Variants in SVIL observed in about 807,000 individuals in gnomAD.
The protein encoded by SVIL is archvillin.
In SVIL, 101 loss-of-function variants were observed where a neutral mutation model predicts 240.4. The observed-to-expected ratio is 0.42, with a 90% CI of 0.36 to 0.50. The LOEUF (loss-of-function observed/expected upper bound fraction) is 0.50, where lower values mean the gene tolerates loss of function less well. Ranked by LOEUF, SVIL falls within the 20% of genes least tolerant of loss-of-function variation. The pLI is 0.01. For missense variants in SVIL, 2,512 were observed against 2,818.7 expected, an observed-to-expected ratio of 0.89 and a Z score of 2.46; for synonymous variants, 999 against 1,100.0, an observed-to-expected ratio of 0.91 and a Z score of 1.82.
intron 33 of SVIL, 37 bp downstream of exon 33, chr10:29,467,705 A>C: frequency 6.2e-7 from 1 of 1,600,868 alleles, no homozygotes. Context: ...AAAAACAAAC[A>C]AAAAAACCAG....
intron 2 of SVIL, among the ~76,000 whole-genome samples, chr10:29,564,728 A>G (rs1156412984): frequency 2.6e-5 from 4 of 152,206 alleles, no homozygotes; most frequent in Non-Finnish European, 4.4e-5. Flanking sequence ...CTTTCCATAT[A>G]CAATGTAGCA....
intron 1 of SVIL, among the ~76,000 whole-genome samples, chr10:29,633,191 C>T (rs1047866301): frequency 2.8e-5 from 4 of 142,218 alleles, no homozygotes; most frequent in East Asian, 2.1e-4. Flanking sequence ...GAGCCGAGAT[C>T]GTGCCACTGC....
intron 26 of SVIL, 91 bp downstream of exon 26, chr10:29,485,994 A>C (rs546565180): frequency 6.8e-7 from 1 of 1,470,264 alleles, no homozygotes; most frequent in Non-Finnish European, 9.3e-7. Context: ...GCTAACCTTT[A>C]TTGGGAACTT....
chr10:29,537,221 A>T (rs968059804), intron 6 of SVIL, among the ~76,000 whole-genome samples: 1 of 152,240 alleles, frequency 6.6e-6, no homozygotes, highest in African/African-American at 2.4e-5. Context: ...CACAAGAGTT[A>T]CAAGTACTAA....
intron 1 of SVIL, among the ~76,000 whole-genome samples, chr10:29,724,166 T>G (rs1964143626): frequency 8.6e-6 from 1 of 116,344 alleles, no homozygotes; most frequent in South Asian, 2.7e-4. Context: ...TTCTTCTGAG[T>G]TTTTTGTTTT....
rs867562935 is a variant in SVIL at position 29,532,106 on chromosome 10, C to T, written c.1905G>A (p.Gly635=). The change falls in exon 9 of 38, where the codon GGG becomes GGA. Residue 635 remains glycine, a synonymous_variant. Transcript: ENST00000355867. ...AAAAATAGCGTCTTGGTTTCCGGGA[C>T]CCTCTCTCCCGTTCCACACCGGTGG... ...GLPTGVERER[G]SRKPRRYFSP... 4 of 1,614,028 alleles carry T rather than the reference C, an allele frequency of 2.5e-6. No individual in the cohort carries two copies. The highest frequency in any genetic ancestry group is 2.2e-5 in the South Asian group (2 of 91,074).
intron 2 of SVIL, among the ~76,000 whole-genome samples, chr10:29,677,382 T>G (rs2132575883): frequency 6.6e-6 from 1 of 152,294 alleles, no homozygotes; most frequent in East Asian, 1.9e-4. Context: ...AAGCATGACC[T>G]AGCCCTGAAT....
intron 1 of SVIL, among the ~76,000 whole-genome samples, chr10:29,700,696 A>G (rs1645950196): frequency 1.3e-5 from 2 of 151,884 alleles, no homozygotes; most frequent in African/African-American, 4.8e-5. Context: ...GATGGTCTCA[A>G]TCTCCTGACC....
At chr10:29,703,810 T>TG (rs1564779024) in intron 1 of SVIL, among the ~76,000 whole-genome samples, 1 of 152,166 alleles carries the variant, frequency 6.6e-6, no homozygotes, top group Non-Finnish European at 1.5e-5. Flanking sequence ...CTTGTTTTTT[T>TG]GGGGGAAGGA....
intron 1 of SVIL, among the ~76,000 whole-genome samples, chr10:29,596,462 G>A (rs973829005): frequency 6.6e-6 from 1 of 152,084 alleles, no homozygotes; most frequent in Non-Finnish European, 1.5e-5. Flanking sequence ...AACAGAGCGA[G>A]GCCCTGTCTG....
chr10:29,580,350 T>TA (rs1323893314), intron 1 of SVIL, among the ~76,000 whole-genome samples: 2 of 151,800 alleles, frequency 1.3e-5, no homozygotes, highest in Admixed American at 1.3e-4. Flanking sequence ...ACCCTGTCTC[T>TA]AAAAAAATTG....
At chr10:29,486,647 T>C in intron 24 of SVIL, 90 bp from the exon 25 acceptor site, 1 of 1,506,444 alleles carries the variant, frequency 6.6e-7, no homozygotes, top group South Asian at 1.2e-5. Context: ...AGAAACAGTG[T>C]GCCTGCAAGG....
intron 1 of SVIL, among the ~76,000 whole-genome samples, chr10:29,625,801 A>G (rs1248721774): frequency 6.6e-6 from 1 of 152,210 alleles, no homozygotes; most frequent in African/African-American, 2.4e-5. Context: ...CTTTATCAGT[A>G]TGAATTCTAG....
chr10:29,458,536 G>C lies in SVIL; in HGVS notation c.6456C>G (p.Leu2152=), dbSNP rs150145952. The C allele has an allele frequency of 2.5e-6, 4 of 1,610,094 alleles. No homozygotes were observed. Among genetic ancestry groups the C allele is most frequent in the African/African-American group, 1.3e-5 (1 of 74,798 alleles). The change falls in exon 37 of 38, where the codon CTC becomes CTG. Residue 2152 remains leucine (L), a synonymous_variant. Transcript: ENST00000355867. ...ITLVEDVLAK[L]CKTIYPLADL... Reference sequence around the variant, plus strand: ...CGGCCAGCGGGTAAATGGTTTTACAGAGCTTGGCTAAGACGTCTTCCACGA... The same window carrying C: ...CGGCCAGCGGGTAAATGGTTTTACACAGCTTGGCTAAGACGTCTTCCACGA...
intron 16 of SVIL, among the ~76,000 whole-genome samples, chr10:29,519,802 G>A (rs1950446450): frequency 6.6e-6 from 1 of 152,172 alleles, no homozygotes; most frequent in African/African-American, 2.4e-5. Context: ...GAACAGACTG[G>A]GCTCAGGGAT....
chr10:29,582,542 G>C (rs953504095), intron 1 of SVIL, among the ~76,000 whole-genome samples: 8 of 152,074 alleles, frequency 5.3e-5, no homozygotes, highest in Admixed American at 5.2e-4. Context: ...TTAGAGACCA[G>C]CCTGGGCAAC....
In SVIL at chr10:29,460,972, G is replaced by A. The variant is rs142121210; in HGVS notation, c.6402+1305C>T. On this transcript the variant is annotated intron_variant, in intron 36 of 37. Transcript: ENST00000355867. ...CACCATGATGCCTAACCAACCCCCC[G>A]CTTCCTGTTGACCAGCTCCTCTTCC... is the stretch of plus-strand genomic sequence containing the variant. Among the ~76,000 whole-genome samples the A allele has an allele frequency of 3.1e-3, 477 of 152,064 alleles. 3 individuals carry two copies. The highest frequency in any genetic ancestry group is 0.011 in the African/African-American group (452 of 41,458).
chr10:29,599,123 C>T lies in SVIL; in HGVS notation c.-200-29811G>A, dbSNP rs190062387. On this transcript the variant is annotated intron_variant, in intron 1 of 37. Coordinates refer to ENST00000355867, the MANE Select transcript of SVIL (RefSeq NM_021738.3). Reference sequence around the variant, plus strand: ...ATGTCATTTGGTTTAGCTTTAGAAACATTTGATCATGCTGATCTGGCAAAG... The same window carrying T: ...ATGTCATTTGGTTTAGCTTTAGAAATATTTGATCATGCTGATCTGGCAAAG... Among the ~76,000 whole-genome samples the T allele has an allele frequency of 5.1e-3, 774 of 152,208 alleles. 22 individuals carry two copies. In the South Asian group the frequency reaches 0.093, roughly 18 times the overall value.
chr10:29,501,470 A>C (rs1365338121), intron 17 of SVIL, among the ~76,000 whole-genome samples: 1 of 145,602 alleles, frequency 6.9e-6, no homozygotes, highest in South Asian at 2.3e-4. Flanking sequence ...GGAGGGAGGA[A>C]GGGAGCGAGA....
Sources: gnomAD v4.1 joint callset for allele counts (sites outside exome capture counted in the v4.1 genomes callset) on GRCh38, gnomAD v4.1.1 for gene constraint, MANE v1.5 for transcripts, NCBI Gene and HGNC (gene_info 2026-07-23, HGNC 2026-07-21) for gene names.